DCX: variants seen among roughly 807,000 people sequenced by gnomAD.
The protein encoded by DCX is doublecortin.
Under a neutral mutation model 20.9 loss-of-function variants are expected in DCX, and 4 were observed. The ratio of observed to expected loss-of-function variants is 0.19; its 90% CI spans 0.09 to 0.44. The LOEUF (loss-of-function observed/expected upper bound fraction) is 0.44. DCX is among the 20% of genes least tolerant of loss of function. The pLI is 0.99. For missense variants in DCX, 133 were observed against 296.9 expected (o/e 0.45, Z 4.06); for synonymous variants, 103 against 111.4 (o/e 0.92, Z 0.47).
intron 3 of DCX, among the ~76,000 whole-genome samples, chrX:111,376,079 T>C (rs892060952): frequency 4.5e-5 from 5 of 112,332 alleles, no homozygotes; most frequent in African/African-American, 1.6e-4. Flanking sequence ...GGTGAGGTTC[T>C]TACCGTTTTA....
At chrX:111,408,060 G>T (rs1017094270) in intron 2 of DCX, among the ~76,000 whole-genome samples, 7 of 111,524 alleles carry the variant, frequency 6.3e-5, no homozygotes, top group African/African-American at 2.3e-4. Flanking sequence ...TGTGAAAGTT[G>T]TTACAGAGAA....
intron 5 of DCX, among the ~76,000 whole-genome samples, chrX:111,319,413 T>C (rs2095081385): frequency 9.0e-6 from 1 of 111,368 alleles, no homozygotes; most frequent in Admixed American, 9.5e-5. Flanking sequence ...AGTGTGTTTA[T>C]ATACCATACA....
chrX:111,312,550 G>T, intron 6 of DCX, 89 bp downstream of exon 6: 1 of 961,456 alleles, frequency 1.0e-6, no homozygotes, highest in Non-Finnish European at 1.5e-6. Flanking sequence ...GCCTTAATGT[G>T]CTGTTGAGTT....
chrX:111,408,686 GA>G (rs1556404585), intron 2 of DCX, among the ~76,000 whole-genome samples: 1 of 110,085 alleles, frequency 9.1e-6, no homozygotes, highest in African/African-American at 3.3e-5. Context: ...AAGAAAGAAA[GA>G]AAGAAAGGAA....
intron 3 of DCX, among the ~76,000 whole-genome samples, chrX:111,373,094 T>C (rs1925237581): frequency 9.0e-6 from 1 of 111,530 alleles, no homozygotes; most frequent in African/African-American, 3.3e-5. Flanking sequence ...TGAAATGAAA[T>C]GAAGTTTTCT....
intron 3 of DCX, among the ~76,000 whole-genome samples, chrX:111,378,535 ACCT>A (rs1165117458): frequency 1.8e-5 from 2 of 111,137 alleles, no homozygotes; most frequent in Non-Finnish European, 1.9e-5. Context: ...TATTCTTCAC[ACCT>A]CCTTACCAAT....
intron 3 of DCX, among the ~76,000 whole-genome samples, chrX:111,398,561 A>G (rs1927523803): frequency 9.0e-6 from 1 of 111,319 alleles, no homozygotes; most frequent in East Asian, 2.9e-4. Flanking sequence ...ATTTCTCTAT[A>G]TGAATGTCAT....
chrX:111,375,072 G>A (rs1168333412), intron 3 of DCX, among the ~76,000 whole-genome samples: 1 of 103,044 alleles, frequency 9.7e-6, no homozygotes, highest in Non-Finnish European at 2.0e-5. Context: ...TTGAGATGGA[G>A]AACAGATTAG....
At chrX:111,328,987 T>G (rs1321334493) in intron 5 of DCX, among the ~76,000 whole-genome samples, 2 of 111,918 alleles carry the variant, frequency 1.8e-5, no homozygotes, top group Non-Finnish European at 3.8e-5. Context: ...GGTAATGAAT[T>G]TGTTTCACAG....
chrX:111,384,136 T>C (rs1166685714), intron 3 of DCX, among the ~76,000 whole-genome samples: 1 of 111,689 alleles, frequency 9.0e-6, no homozygotes, highest in Non-Finnish European at 1.9e-5. Context: ...TGTATGGTTA[T>C]TAACCCTGAC....
At chrX:111,332,627 G>C (rs1195598856) in intron 4 of DCX, among the ~76,000 whole-genome samples, 1 of 111,736 alleles carries the variant, frequency 8.9e-6, no homozygotes. Context: ...TTGACACTAA[G>C]AATACTGTGG....
intron 3 of DCX, among the ~76,000 whole-genome samples, chrX:111,341,572 A>G (rs749249426): frequency 4.9e-4 from 54 of 111,128 alleles, no homozygotes; most frequent in African/African-American, 1.5e-3. Flanking sequence ...ACACATAATC[A>G]TCAGATTCTC....
intron 3 of DCX, among the ~76,000 whole-genome samples, chrX:111,344,353 A>T (rs999280037): frequency 1.8e-5 from 2 of 112,144 alleles, no homozygotes; most frequent in Admixed American, 1.9e-4. Flanking sequence ...CTCTCTTACC[A>T]TTCCTATTCA....
chrX:111,405,835 G>A (rs1031590364), intron 2 of DCX, among the ~76,000 whole-genome samples: 2 of 111,410 alleles, frequency 1.8e-5, no homozygotes, highest in African/African-American at 6.5e-5. Flanking sequence ...TGTACCCAAG[G>A]ACTGTGGGAA....
chrX:111,332,916 C>G (rs1921383114), intron 4 of DCX, 135 bp downstream of exon 4: 1 of 527,525 alleles, frequency 1.9e-6, no homozygotes, highest in Non-Finnish European at 3.4e-6. Context: ...TCCAAATATA[C>G]AGGAGAAAGA....
intron 3 of DCX, among the ~76,000 whole-genome samples, chrX:111,346,548 T>C (rs1052774292): frequency 8.9e-6 from 1 of 111,774 alleles, no homozygotes; most frequent in Non-Finnish European, 1.9e-5. Context: ...CAGCAGCTAG[T>C]GGGAGGAAGG....
intron 3 of DCX, among the ~76,000 whole-genome samples, chrX:111,379,818 T>C (rs182102238): frequency 6.3e-5 from 7 of 111,779 alleles, no homozygotes; most frequent in Non-Finnish European, 1.3e-4. Flanking sequence ...CCACCACCAG[T>C]GCATGAGGTT....
chrX:111,365,360 G>T (rs904881856), intron 3 of DCX, among the ~76,000 whole-genome samples: 1 of 108,967 alleles, frequency 9.2e-6, no homozygotes, highest in African/African-American at 3.3e-5. Context: ...AAACTTTGTG[G>T]GTACATAGTA....
chrX:111,377,505 G>A (rs1335495374), intron 3 of DCX, among the ~76,000 whole-genome samples: 2 of 110,979 alleles, frequency 1.8e-5, no homozygotes, highest in African/African-American at 6.6e-5. Flanking sequence ...GCATTTGAGT[G>A]AGAAAAGATA....
Sources: allele counts gnomAD v4.1 joint callset (sites outside exome capture counted in the v4.1 genomes callset), GRCh38; gene constraint gnomAD v4.1.1; transcripts MANE v1.5; gene names NCBI Gene and HGNC (gene_info 2026-07-23, HGNC 2026-07-21).